The following PTPN1 variants were observed in gnomAD, a reference collection of about 807,000 sequenced individuals.
PTPN1 encodes tyrosine-protein phosphatase non-receptor type 1.
Under a neutral mutation model 59.9 loss-of-function variants are expected in PTPN1, and 12 were observed. That is an observed-to-expected ratio of 0.20 (90% CI 0.13 to 0.32). The LOEUF is 0.32. Ranked by LOEUF, PTPN1 falls within the 10% of genes least tolerant of loss-of-function variation. PTPN1 has a pLI of 1.00. For missense variants in PTPN1, 356 were observed against 549.2 expected, an observed-to-expected ratio of 0.65 and a Z score of 3.52; for synonymous variants, 178 against 203.6, an observed-to-expected ratio of 0.87 and a Z score of 1.07.
At chr20:50,510,906 C>T (rs972436616) in intron 1 of PTPN1, among the ~76,000 whole-genome samples, 3 of 152,092 alleles carry the variant, frequency 2.0e-5, no homozygotes, top group African/African-American at 7.2e-5. Flanking sequence ...CCGCCCCCTG[C>T]CTGTCCACTC....
rs376094442 is a variant in PTPN1 at position 50,579,263 on chromosome 20, G to A, written c.798G>A (p.Gln266=). ...TGGGGCTGATCCAGACAGCCGACCA[G>A]CTGCGCTTCTCCTACCTGGCTGTGA... ...FRMGLIQTAD[Q]LRFSYLAVIE... The change falls in exon 7 of 10, where the codon CAG becomes CAA. Residue 266 remains glutamine, a synonymous_variant. Coordinates refer to ENST00000371621, the MANE Select transcript of PTPN1 (RefSeq NM_002827.4). 6.2e-7 allele frequency: 1 copy of A among 1,614,118 alleles called. No individual in the cohort carries two copies. The highest frequency in any genetic ancestry group is 8.5e-7 in the Non-Finnish European group (1 of 1,180,054).
chr20:50,558,467 C>T (rs1016327131), intron 1 of PTPN1, among the ~76,000 whole-genome samples: 1 of 152,192 alleles, frequency 6.6e-6, no homozygotes, highest in Non-Finnish European at 1.5e-5. Flanking sequence ...GTGTATTTTA[C>T]ACTTACAGAA....
intron 1 of PTPN1, among the ~76,000 whole-genome samples, chr20:50,548,495 A>G (rs558539566): frequency 3.3e-5 from 5 of 151,584 alleles, no homozygotes; most frequent in African/African-American, 1.2e-4. Flanking sequence ...ACATAGTCAT[A>G]GCTCACTGCA....
chr20:50,554,380 A>ATTCTCTCTCTCTC (rs11481722), intron 1 of PTPN1, among the ~76,000 whole-genome samples: 6,843 of 140,196 alleles, frequency 0.049, 303 homozygotes, highest in Middle Eastern at 0.083. Flanking sequence ...GCAAGACCAC[A>ATTCTCTCTCTCTC]TCTCTCTCTC....
At chr20:50,516,719 G>A (rs1389051945) in intron 1 of PTPN1, among the ~76,000 whole-genome samples, 1 of 152,170 alleles carries the variant, frequency 6.6e-6, no homozygotes, top group African/African-American at 2.4e-5. Context: ...CGTACGCTAT[G>A]CTTTTGCAGT....
intron 1 of PTPN1, among the ~76,000 whole-genome samples, chr20:50,518,728 A>G (rs1470925188): frequency 6.6e-6 from 1 of 152,132 alleles, no homozygotes; most frequent in Admixed American, 6.5e-5. Flanking sequence ...ATTGTTCTCT[A>G]CTACCTGGAC....
intron 1 of PTPN1, among the ~76,000 whole-genome samples, chr20:50,530,444 C>T (rs1169976789): frequency 4.6e-5 from 7 of 151,892 alleles, no homozygotes; most frequent in African/African-American, 7.3e-5. Flanking sequence ...GCAGCCTCCC[C>T]GCCTCCTAGG....
Position 50,568,377 on chromosome 20 carries a change from C to T in PTPN1, c.256-3C>T, listed in dbSNP as rs781028853. On this transcript the variant is annotated splice_region_variant and splice_polypyrimidine_tract_variant and intron_variant, in intron 3 of 9. Transcript: ENST00000371621. The surrounding 1 kb of genome is among the most constrained non-coding windows in gnomAD (Gnocchi z 5.6). ...CACATGTTGTGTTATTGTGTCTTTG[C>T]AGGGCCCTTTGCCTAACACATGCGG... is the stretch of plus-strand genomic sequence containing the variant. The T allele has an allele frequency of 1.2e-5, 20 of 1,613,274 alleles. No homozygotes were observed. In the African/African-American group the frequency reaches 2.4e-4, roughly 19 times the overall value.
chr20:50,545,846 C>A (rs536090803), intron 1 of PTPN1, among the ~76,000 whole-genome samples: 2 of 151,592 alleles, frequency 1.3e-5, no homozygotes, highest in Admixed American at 6.6e-5. Context: ...CGAGACCCCC[C>A]CTCCCCCCGT....
chr20:50,549,276 G>A (rs183637857), intron 1 of PTPN1, among the ~76,000 whole-genome samples: 43 of 152,284 alleles, frequency 2.8e-4, no homozygotes, highest in African/African-American at 7.2e-4. Flanking sequence ...GGAGCAGTGG[G>A]TGTACATCAG....
rs572045835 is a variant in PTPN1 at position 50,585,064 on chromosome 20, A to G, written c.*2349A>G. 64 of 152,368 alleles carry G rather than the reference A, an allele frequency of 4.2e-4. No individual in the cohort carries two copies. Among genetic ancestry groups the G allele is most frequent in the African/African-American group, 1.5e-3 (62 of 41,586 alleles). The allele number at this position is 152,368 out of a possible 1,614,324, so 9.4% of individuals were successfully genotyped here. A position where few individuals can be genotyped will look rare whatever the true frequency, so the allele number is the denominator to read the frequency against. The stretch of plus-strand genomic sequence containing the variant: ...CAAACTTACCAGTGTTGTTTGAAGA[A>G]CAGTGTTTTGAGTTGTAATCTCAAA... On this transcript the variant is annotated 3_prime_UTR_variant, in exon 10 of 10. Transcript: ENST00000371621.
At chr20:50,510,667 A>T in intron 1 of PTPN1, 77 bp downstream of exon 1, 1 of 1,457,986 alleles carries the variant, frequency 6.9e-7, no homozygotes, top group South Asian at 1.3e-5. Context: ...CAGGCCCCAG[A>T]CTCCCTCTGG....
intron 4 of PTPN1, chr20:50,571,859 C>T (rs1394031255): frequency 3.9e-5 from 6 of 152,194 alleles, no homozygotes; most frequent in African/African-American, 1.4e-4. Flanking sequence ...TGCAGAATCT[C>T]ACCCGTATCT....
chr20:50,570,784 C>T lies in PTPN1; in HGVS notation c.354+2306C>T, dbSNP rs547179604. Among the ~76,000 whole-genome samples, 6 of 152,324 alleles carry T rather than the reference C, an allele frequency of 3.9e-5. No homozygotes were observed. In the South Asian group the frequency reaches 1.2e-3, roughly 32 times the overall value. ...GGAAGTTTAGCAGCATCTCTGGCCT[C>T]TATCCACCAGATGCCAGTAGCACCC... is the stretch of plus-strand genomic sequence containing the variant. On this transcript the variant is annotated intron_variant, in intron 4 of 9. Coordinates refer to ENST00000371621, the MANE Select transcript of PTPN1 (RefSeq NM_002827.4).
At chr20:50,580,086 C>G (rs1490415101) in intron 8 of PTPN1, among the ~76,000 whole-genome samples, 160 bp downstream of exon 8, 1 of 152,242 alleles carries the variant, frequency 6.6e-6, no homozygotes, top group South Asian at 2.1e-4. Context: ...CCACTCCACT[C>G]CTGGCTGCTG....
chr20:50,535,009 A>C (rs1349488388), intron 1 of PTPN1, among the ~76,000 whole-genome samples: 1 of 127,646 alleles, frequency 7.8e-6, no homozygotes, highest in Non-Finnish European at 1.7e-5. Flanking sequence ...TGGCCTCCCA[A>C]AGTGCTGGAA....
chr20:50,528,631 T>C (rs1396723721), intron 1 of PTPN1, among the ~76,000 whole-genome samples: 2 of 150,550 alleles, frequency 1.3e-5, no homozygotes, highest in Non-Finnish European at 3.0e-5. Flanking sequence ...GGAGAATCAC[T>C]TGAACTGGGG....
rs1568793272 is a variant in PTPN1 at position 50,568,934 on chromosome 20, C to T, written c.354+456C>T. ...AGATGAGATTTGCCTCCATTCAGTA[C>T]CTAGACTCTTGCCCTGCCACACCTC... On this transcript the variant is annotated intron_variant, in intron 4 of 9. Coordinates refer to ENST00000371621, the MANE Select transcript of PTPN1 (RefSeq NM_002827.4). The surrounding 1 kb of genome is among the most constrained non-coding windows in gnomAD (Gnocchi z 5.6). Among the ~76,000 whole-genome samples the T allele has an allele frequency of 1.3e-5, 2 of 152,156 alleles. No homozygotes were observed. Among genetic ancestry groups the T allele is most frequent in the Admixed American group, 6.5e-5 (1 of 15,288 alleles).
At chr20:50,542,185 C>T (rs186376691) in intron 1 of PTPN1, among the ~76,000 whole-genome samples, 19 of 152,318 alleles carry the variant, frequency 1.2e-4, no homozygotes, top group African/African-American at 4.6e-4. Flanking sequence ...ATCATATTGC[C>T]TTAATATACC....
Sources: allele counts gnomAD v4.1 joint callset (sites outside exome capture counted in the v4.1 genomes callset), GRCh38; gene constraint gnomAD v4.1.1; non-coding constraint Gnocchi (gnomAD v3.1); transcripts MANE v1.5; gene names NCBI Gene and HGNC (gene_info 2026-07-23, HGNC 2026-07-21).